Variants in AGO2 observed in about 807,000 individuals in gnomAD.
The protein encoded by AGO2 is argonaute RISC catalytic component 2.
A neutral mutation model predicts 102.3 loss-of-function variants in AGO2; 5 were observed. That is an observed-to-expected ratio of 0.05 (90% CI 0.03 to 0.10). The LOEUF (loss-of-function observed/expected upper bound fraction) is 0.10. AGO2 is among the 10% of genes least tolerant of loss of function. The pLI is 1.00. For synonymous variants in AGO2, 449 were observed against 473.1 expected, an observed-to-expected ratio of 0.95 and a Z score of 0.66; for missense variants, 541 against 1,183.7, an observed-to-expected ratio of 0.46 and a Z score of 7.97.
upstream of AGO2, among the ~76,000 whole-genome samples, chr8:140,640,089 G>A (rs1268085806): frequency 6.6e-6 from 1 of 152,100 alleles, no homozygotes; most frequent in Non-Finnish European, 1.5e-5. Flanking sequence ...GCTCATTGCA[G>A]CCTTCGCCTC....
chr8:140,554,057 A>G (rs955329296), intron 10 of AGO2, among the ~76,000 whole-genome samples: 2 of 152,218 alleles, frequency 1.3e-5, no homozygotes, highest in Admixed American at 1.3e-4. Flanking sequence ...GGCTTACACA[A>G]GCTCTTCTGT....
At chr8:140,546,634 C>T (rs2072906241) in intron 13 of AGO2, among the ~76,000 whole-genome samples, 1 of 152,248 alleles carries the variant, frequency 6.6e-6, no homozygotes, top group Non-Finnish European at 1.5e-5. Flanking sequence ...AGCTGAGCCC[C>T]ACTGTGACTG....
chr8:140,550,560 C>G (rs1053546879), intron 11 of AGO2, among the ~76,000 whole-genome samples: 1 of 152,194 alleles, frequency 6.6e-6, no homozygotes, highest in Non-Finnish European at 1.5e-5. Context: ...AATCACTCCT[C>G]TTGTCTGGGA....
chr8:140,595,740 ATATTATATATAATTGTATATACAATT>A (rs2073818712), intron 1 of AGO2, among the ~76,000 whole-genome samples: 1 of 51,276 alleles, frequency 2.0e-5, no homozygotes, highest in African/African-American at 4.9e-5. Flanking sequence ...TAAATGTTAT[ATATTATATATAATTGTATATACAATT>A]ATATTATATA....
chr8:140,551,151 A>C, intron 11 of AGO2, 152 bp downstream of exon 11: 2 of 953,172 alleles, frequency 2.1e-6, no homozygotes, highest in Non-Finnish European at 2.9e-6. Flanking sequence ...GGCCAATGGT[A>C]CGTGACAGGG....
At chr8:140,613,930 G>A (rs1423503251) in intron 1 of AGO2, among the ~76,000 whole-genome samples, 2 of 147,718 alleles carry the variant, frequency 1.4e-5, no homozygotes, top group African/African-American at 5.1e-5. Flanking sequence ...AAGTGAGATC[G>A]CTTGAGTGCA....
At chr8:140,603,878 T>C (rs576835703) in intron 1 of AGO2, among the ~76,000 whole-genome samples, 4 of 152,350 alleles carry the variant, frequency 2.6e-5, no homozygotes, top group African/African-American at 9.6e-5. Context: ...GGCACAGGCA[T>C]GACTGTTCCG....
At chr8:140,635,912 G>A (rs990908417), upstream of AGO2, among the ~76,000 whole-genome samples, 1 of 148,732 alleles carries the variant, frequency 6.7e-6, no homozygotes, top group Non-Finnish European at 1.5e-5. Flanking sequence ...GCCGAGGGCG[G>A]CGCGGCCCGT....
At chr8:140,538,827 G>A (rs573156488) in intron 16 of AGO2, among the ~76,000 whole-genome samples, 13 of 152,284 alleles carry the variant, frequency 8.5e-5, no homozygotes, top group East Asian at 5.8e-4. Context: ...TTGGTGGGGC[G>A]CAGTGGTTCA....
At chr8:140,543,472 T>C (rs548272342) in intron 14 of AGO2, among the ~76,000 whole-genome samples, 14 of 152,362 alleles carry the variant, frequency 9.2e-5, no homozygotes, top group African/African-American at 3.1e-4. Context: ...TTTTTCTTTT[T>C]TGAGAGAAAA....
At chr8:140,587,396 G>C (rs1224269649) in intron 1 of AGO2, among the ~76,000 whole-genome samples, 3 of 152,226 alleles carry the variant, frequency 2.0e-5, no homozygotes, top group African/African-American at 7.2e-5. Flanking sequence ...CAGGCAGAGG[G>C]GCCAGGGAAG....
rs933513307 is a variant in AGO2, at chr8:140,557,921, C to T, written c.878+564G>A. Among the ~76,000 whole-genome samples the T allele has an allele frequency of 2.0e-5, 3 of 152,340 alleles. No homozygotes were observed. The highest frequency in any genetic ancestry group is 4.1e-4 in the South Asian group (2 of 4,824). The stretch of plus-strand genomic sequence containing the variant: ...ACGGGCATCTTGGTACCTCCAGTGC[C>T]TGGCAACAGGCCTGGCACTTTCCAT... On this transcript the variant is annotated intron_variant, in intron 7 of 18. Coordinates refer to ENST00000220592, the MANE Select transcript of AGO2 (RefSeq NM_012154.5). This position sits in a 1 kb window ranked among gnomAD's most constrained non-coding sequence, Gnocchi z 5.9.
intron 3 of AGO2, among the ~76,000 whole-genome samples, chr8:140,563,819 T>A (rs1421860287): frequency 6.6e-6 from 1 of 152,128 alleles, no homozygotes; most frequent in Non-Finnish European, 1.5e-5. Context: ...CCAGGCACAT[T>A]TGCTCGCTCG....
chr8:140,535,530 CCA>C lies in AGO2; in HGVS notation c.2207_2208del (p.Val736GlyfsTer16), dbSNP rs1384781548. On this transcript the variant is annotated frameshift_variant, in exon 17 of 19. Transcript: ENST00000220592. LOFTEE classifies it high-confidence loss of function. Reference protein sequence around the residue: ...KSGNIPAGTTVDTKITHPTEF... With the variant: ...KSGNIPAGTTXDTKITHPTEF... ...TCGGTGGGGTGGGTGATTTTCGTGT[CCA>C]CAGTCGTGCCTGCTGGAATGTTTCC... 1 of 1,614,242 alleles carries C rather than the reference CCA, an allele frequency of 6.2e-7. No homozygotes were observed. Among genetic ancestry groups the C allele is most frequent in the Non-Finnish European group, 8.5e-7 (1 of 1,180,026 alleles).
intron 10 of AGO2, among the ~76,000 whole-genome samples, chr8:140,554,306 G>A (rs986783659): frequency 6.6e-6 from 1 of 152,124 alleles, no homozygotes; most frequent in Non-Finnish European, 1.5e-5. Context: ...GCCAAGGAGG[G>A]GCTGAAGGGC....
chr8:140,548,314 TAA>T (rs34521232), intron 12 of AGO2, among the ~76,000 whole-genome samples: 8,288 of 120,982 alleles, frequency 0.069, 630 homozygotes, highest in African/African-American at 0.2. Context: ...AGCCCTTGTC[TAA>T]AAAAAAAAAA....
intron 1 of AGO2, among the ~76,000 whole-genome samples, chr8:140,616,484 T>G (rs550152535): frequency 7.0e-6 from 1 of 142,020 alleles, no homozygotes; most frequent in South Asian, 2.4e-4. Flanking sequence ...TTGATAATAA[T>G]TGCAATGAAT....
intron 4 of AGO2, among the ~76,000 whole-genome samples, chr8:140,560,950 C>T (rs917344083): frequency 2.0e-5 from 3 of 152,280 alleles, no homozygotes; most frequent in Admixed American, 1.3e-4. Context: ...CGTGGGGAGA[C>T]GTGTTGCTTC....
intron 1 of AGO2, among the ~76,000 whole-genome samples, chr8:140,618,770 T>A (rs1244809213): frequency 3.3e-5 from 5 of 151,510 alleles, no homozygotes; most frequent in African/African-American, 1.2e-4. Flanking sequence ...CAGTGAGCCG[T>A]GATTGTATTA....
Sources: gnomAD v4.1 joint callset for allele counts (sites outside exome capture counted in the v4.1 genomes callset) on GRCh38, gnomAD v4.1.1 for gene constraint, Gnocchi (gnomAD v3.1) non-coding constraint, MANE v1.5 for transcripts, NCBI Gene and HGNC (gene_info 2026-07-23, HGNC 2026-07-21) for gene names.